Variants in TPD52 observed in about 807,000 individuals in gnomAD.
TPD52 encodes prostate and colon associated protein.
Under a neutral mutation model 31.3 loss-of-function variants are expected in TPD52, and 17 were observed. The ratio of observed to expected loss-of-function variants is 0.54; its 90% confidence interval spans 0.37 to 0.82. TPD52 has a LOEUF of 0.82. TPD52 is among the 40% of genes least tolerant of loss of function. TPD52 has a pLI of 0.00. For missense variants in TPD52, 212 were observed against 240.1 expected (o/e 0.88, Z 0.77); for synonymous variants, 83 against 89.6 (o/e 0.93, Z 0.42).
At chr8:80,132,034 T>C (rs1472816188) in intron 1 of TPD52, among the ~76,000 whole-genome samples, 1 of 102,584 alleles carries the variant, frequency 9.7e-6, no homozygotes, top group African/African-American at 6.5e-5. Flanking sequence ...CTTTCTTTCT[T>C]TTTTTTTTTT....
intron 1 of TPD52, among the ~76,000 whole-genome samples, chr8:80,141,993 T>A (rs1016138711): frequency 6.6e-6 from 1 of 151,790 alleles, no homozygotes; most frequent in Non-Finnish European, 1.5e-5. Context: ...GATACTAAGA[T>A]AATAGCCACA....
At chr8:80,051,706 G>A in intron 3 of TPD52, 78 bp from the exon 4 acceptor site, 1 of 1,119,268 alleles carries the variant, frequency 8.9e-7, no homozygotes, top group South Asian at 1.6e-5. Flanking sequence ...CAAGTGCAGT[G>A]GTCACCACCT....
intron 1 of TPD52, among the ~76,000 whole-genome samples, chr8:80,123,274 G>A (rs549746475): frequency 7.2e-5 from 11 of 152,296 alleles, no homozygotes; most frequent in Admixed American, 5.9e-4. Flanking sequence ...GGATGCTGGT[G>A]GCTTAGAGGG....
intron 3 of TPD52, 67 bp downstream of exon 3, chr8:80,053,215 C>T: frequency 2.6e-6 from 4 of 1,527,662 alleles, no homozygotes; most frequent in Admixed American, 1.9e-5. Flanking sequence ...TTCTTCCCCT[C>T]TCCAGACAAA....
rs751612082 is a variant in TPD52 at position 80,038,173 on chromosome 8, T to G, written c.567A>C (p.Ala189=). 4.8e-5 allele frequency: 77 copies of G among 1,613,992 alleles called. No individual in the cohort carries two copies. Among genetic ancestry groups the G allele is most frequent in the Non-Finnish European group, 6.4e-5 (76 of 1,180,004 alleles). The change falls in exon 8 of 8, where the codon GCA becomes GCC. Residue 189 remains alanine (A), a synonymous_variant. Transcript: ENST00000518937. ...GCTCCGTGGTGGTGGCACTAGCATT[T>G]GCAGCCGAATTCAAGACTTCTCCAA... The part of the protein sequence containing the change: ...GDFGEVLNSA[A]NASATTTEPL...
chr8:80,127,955 ACTCTT>A (rs1180260665), intron 1 of TPD52, among the ~76,000 whole-genome samples: 1 of 150,992 alleles, frequency 6.6e-6, no homozygotes, highest in Non-Finnish European at 1.5e-5. Context: ...TTCACTTTGT[ACTCTT>A]CTGTGCTGCT....
intron 1 of TPD52, among the ~76,000 whole-genome samples, chr8:80,096,560 C>T (rs981189331): frequency 6.6e-6 from 1 of 152,166 alleles, no homozygotes; most frequent in African/African-American, 2.4e-5. Context: ...ATTCCAGCAG[C>T]ACATGCTCAC....
intron 1 of TPD52, among the ~76,000 whole-genome samples, chr8:80,161,745 T>C (rs1227740022): frequency 6.7e-6 from 1 of 148,268 alleles, no homozygotes; most frequent in African/African-American, 2.5e-5. Context: ...TTTTTTTTTT[T>C]CTGAGACAGA....
At chr8:80,155,662 T>A (rs1462109622) in intron 1 of TPD52, among the ~76,000 whole-genome samples, 4 of 152,096 alleles carry the variant, frequency 2.6e-5, no homozygotes, top group African/African-American at 4.8e-5. Flanking sequence ...GGCGGGCAGA[T>A]CACTTGAGGT....
Position 80,160,939 on chromosome 8 carries a change from G to A in TPD52, c.19+10486C>T, listed in dbSNP as rs190858111. Among the ~76,000 whole-genome samples the A allele has an allele frequency of 2.0e-3, 293 of 148,778 alleles. 3 individuals are homozygous for A. The highest frequency in any genetic ancestry group is 7.0e-3 in the African/African-American group (280 of 40,164). ...TAGCCCGGCATGGTGGCACATGCCT[G>A]TAGTCCCAGCTACTTGGGAGGCTGA... On this transcript the variant is annotated intron_variant, in intron 1 of 7. Coordinates refer to ENST00000518937, the MANE Select transcript of TPD52 (RefSeq NM_001025253.3).
intron 1 of TPD52, among the ~76,000 whole-genome samples, chr8:80,137,942 C>CTT (rs568826691): frequency 6.7e-6 from 1 of 148,566 alleles, no homozygotes; most frequent in Non-Finnish European, 1.5e-5. Flanking sequence ...CGTCTCTTTT[C>CTT]TTTTTTTTTT....
chr8:80,080,351 A>C (rs1815119342), intron 1 of TPD52: 1 of 1,614,058 alleles, frequency 6.2e-7, no homozygotes, highest in African/African-American at 1.3e-5. Context: ...GGTGGAGATG[A>C]ATTTCCACTA....
intron 1 of TPD52, among the ~76,000 whole-genome samples, chr8:80,131,720 C>T (rs1809030500): frequency 6.6e-6 from 1 of 152,212 alleles, no homozygotes; most frequent in South Asian, 2.1e-4. Context: ...AGCTCACACA[C>T]TTTAAGATAC....
intron 1 of TPD52, among the ~76,000 whole-genome samples, chr8:80,134,512 G>C (rs1261702745): frequency 6.6e-6 from 1 of 152,188 alleles, no homozygotes. Flanking sequence ...CTGTCTTCTT[G>C]CCTTCAAACA....
chr8:80,145,658 A>G (rs927692689), intron 1 of TPD52, among the ~76,000 whole-genome samples: 1 of 152,206 alleles, frequency 6.6e-6, no homozygotes. Context: ...AGTATGACAA[A>G]CTAATAGGGA....
chr8:80,135,691 A>G (rs904730476), intron 1 of TPD52, among the ~76,000 whole-genome samples: 8 of 150,262 alleles, frequency 5.3e-5, no homozygotes, highest in Non-Finnish European at 1.0e-4. Flanking sequence ...ACGTATGTTT[A>G]TTGCGGCATT....
chr8:80,129,746 C>T (rs979266049), intron 1 of TPD52, among the ~76,000 whole-genome samples: 2 of 143,908 alleles, frequency 1.4e-5, no homozygotes, highest in Non-Finnish European at 3.0e-5. Flanking sequence ...ATCACCCAGG[C>T]TGGAGTGCAG....
At chr8:80,155,883 CAA>C (rs550864240) in intron 1 of TPD52, among the ~76,000 whole-genome samples, 12 of 99,426 alleles carry the variant, frequency 1.2e-4, no homozygotes, top group Admixed American at 1.1e-4. Context: ...AACTTCATCT[CAA>C]AAAAAAAAAA....
At chr8:80,130,713 G>A (rs1024829208) in intron 1 of TPD52, among the ~76,000 whole-genome samples, 1 of 152,098 alleles carries the variant, frequency 6.6e-6, no homozygotes, top group Non-Finnish European at 1.5e-5. Flanking sequence ...GCTACCAGCT[G>A]GACTGTTTGG....
Sources: allele counts gnomAD v4.1 joint callset (sites outside exome capture counted in the v4.1 genomes callset), GRCh38; gene constraint gnomAD v4.1.1; transcripts MANE v1.5; gene names NCBI Gene and HGNC (gene_info 2026-07-23, HGNC 2026-07-21).